The following NKD2 variants were observed in gnomAD, a reference collection of about 807,000 sequenced individuals.
NKD2 encodes NKD inhibitor of Wnt signaling pathway 2.
In NKD2, 43 loss-of-function variants were observed where a neutral mutation model predicts 34.8. That is an observed-to-expected ratio of 1.24 (90% CI 0.97 to 1.60). NKD2 has a LOEUF of 1.60. Among genes scored for constraint, NKD2 ranks in the 40% most tolerant of loss-of-function variants. The pLI is 0.00. For missense variants in NKD2, 675 were observed against 627.1 expected, an observed-to-expected ratio of 1.08 and a Z score of -0.82; for synonymous variants, 278 against 265.1, an observed-to-expected ratio of 1.05 and a Z score of -0.47.
At chr5:1,015,852 C>G (rs77021495) in intron 3 of NKD2, among the ~76,000 whole-genome samples, 1 of 152,202 alleles carries the variant, frequency 6.6e-6, no homozygotes, top group Non-Finnish European at 1.5e-5. Context: ...CGTGGCCCCT[C>G]TCCTGTTGGA....
Position 1,038,362 on chromosome 5 carries a change from C to T in NKD2, c.1345C>T (p.His449Tyr). Residue 449 changes from histidine (H) to tyrosine (Y), a missense_variant, in exon 10 of 10, where the codon CAC (histidine) becomes TAC (tyrosine). Coordinates refer to ENST00000296849, the MANE Select transcript of NKD2 (RefSeq NM_033120.4). This position sits in a 1 kb window ranked among gnomAD's most constrained non-coding sequence, Gnocchi z 4.5. Reference protein sequence around the residue: ...HHHHHHHHHFHPS With the variant: ...HHHHHHHHHFYPS ...CCACCACCACCACCACCACCACTTC[C>T]ACCCGTCCTAGCGCCACTGCCAAGC... 1 of 1,535,972 alleles carries T rather than the reference C, an allele frequency of 6.5e-7. No individual in the cohort carries two copies. The highest frequency in any genetic ancestry group is 8.7e-7 in the Non-Finnish European group (1 of 1,147,046).
intron 3 of NKD2, among the ~76,000 whole-genome samples, chr5:1,011,491 G>T (rs180923715): frequency 6.6e-6 from 1 of 152,182 alleles, no homozygotes; most frequent in Non-Finnish European, 1.5e-5. Flanking sequence ...GTCCTCCCAG[G>T]TGGTATCCAC....
In NKD2 at chr5:1,019,168, C is replaced by A. The variant is rs77792413; in HGVS notation, c.141+9608C>A. ...TGCCAATTATACCCACTATAGGCAC[C>A]CCTGTGCCAGCTGCTCCTCTTTTGC... is the stretch of plus-strand genomic sequence containing the variant. On this transcript the variant is annotated intron_variant, in intron 3 of 9. Coordinates refer to ENST00000296849, the MANE Select transcript of NKD2 (RefSeq NM_033120.4). Among the ~76,000 whole-genome samples, 1,479 of 152,308 alleles carry A rather than the reference C, an allele frequency of 9.7e-3. 19 individuals carry two copies. The highest frequency in any genetic ancestry group is 0.043 in the East Asian group (224 of 5,186).
intron 9 of NKD2, 120 bp downstream of exon 9, chr5:1,036,504 C>CTG: frequency 2.0e-6 from 1 of 497,094 alleles, no homozygotes; most frequent in Admixed American, 4.0e-5. Context: ...CCCCCCCCAA[C>CTG]CCCCCCCACC....
intron 3 of NKD2, among the ~76,000 whole-genome samples, chr5:1,010,530 A>T (rs758714697): frequency 6.6e-6 from 1 of 152,202 alleles, no homozygotes; most frequent in Non-Finnish European, 1.5e-5. Flanking sequence ...CTTGGAAATT[A>T]ACATGCAATA....
chr5:1,019,842 A>C (rs1428459547), intron 3 of NKD2, among the ~76,000 whole-genome samples: 1 of 152,194 alleles, frequency 6.6e-6, no homozygotes, highest in Admixed American at 6.5e-5. Context: ...AATATGAATG[A>C]AAGAAAACAA....
Position 1,009,552 on chromosome 5 carries a change from G to C in NKD2, c.133G>C (p.Asp45His). 1 of 1,486,416 alleles carries C rather than the reference G, an allele frequency of 6.7e-7. No homozygotes were observed. The highest frequency in any genetic ancestry group is 8.9e-7 in the Non-Finnish European group (1 of 1,127,494). 92.1% of individuals were successfully genotyped at this position (1,486,416 alleles called of 1,614,324 possible). ...GGAGGAAGCGGAGCGGCGCGCGCGG[G>C]ACAAGCAGGTAGGCGGCGGGGCGGA... ...GAEEAERRAR[D>H]KQELPNGDPK... The change falls in exon 3 of 10, where the codon GAC becomes CAC. Residue 45 changes from aspartate (D) to histidine (H), a missense_variant. Physicochemically the swap from Asp to His is moderately conservative, Grantham distance 81 (BLOSUM62 -1). Coordinates refer to ENST00000296849, the MANE Select transcript of NKD2 (RefSeq NM_033120.4). The surrounding 1 kb of genome is among the most constrained non-coding windows in gnomAD (Gnocchi z 6.9).
chr5:1,016,826 T>C (rs1033958683), intron 3 of NKD2, among the ~76,000 whole-genome samples: 1 of 152,096 alleles, frequency 6.6e-6, no homozygotes, highest in African/African-American at 2.4e-5. Context: ...CCATCCTCCT[T>C]TCCACAAAGG....
At position 1,032,276 on chromosome 5, in the gene NKD2, C is replaced by T. The variant is rs528477328; in HGVS notation, c.202+64C>T. The T allele has an allele frequency of 1.7e-4, 221 of 1,319,916 alleles. 1 individual carries two copies. In the African/African-American group the frequency reaches 2.5e-3, roughly 15 times the overall value. The allele number at this position is 1,319,916 out of a possible 1,614,324, so 81.8% of individuals were successfully genotyped here. On this transcript the variant is annotated intron_variant, in intron 4 of 9. Transcript: ENST00000296849. ...CAGACTTCATCCCGTACCAAGGCAA[C>T]GCCGAAAACCACCCTTAAAACAACC...
At chr5:1,029,553 C>T (rs1313394030) in intron 3 of NKD2, among the ~76,000 whole-genome samples, 1 of 152,174 alleles carries the variant, frequency 6.6e-6, no homozygotes, top group African/African-American at 2.4e-5. Context: ...AGTGAAATCC[C>T]CCACAAGTGC....
intron 6 of NKD2, 101 bp downstream of exon 6, chr5:1,034,431 CCT>C: frequency 1.0e-6 from 1 of 983,344 alleles, no homozygotes; most frequent in Non-Finnish European, 1.6e-6. Context: ...AGGGGACCTG[CCT>C]GCTGCGAGGT....
intron 3 of NKD2, among the ~76,000 whole-genome samples, chr5:1,015,711 G>A (rs1025485478): frequency 2.9e-4 from 44 of 152,236 alleles, no homozygotes; most frequent in African/African-American, 1.0e-3. Context: ...CAGCATTTCA[G>A]GGTGGGCTGC....
intron 3 of NKD2, among the ~76,000 whole-genome samples, chr5:1,018,561 A>AT (rs962576569): frequency 5.3e-5 from 8 of 149,874 alleles, no homozygotes; most frequent in African/African-American, 2.0e-4. Context: ...GGTCACAGTC[A>AT]GGGCGACTCA....
At chr5:1,031,220 C>G (rs1278299501) in intron 3 of NKD2, among the ~76,000 whole-genome samples, 1 of 152,132 alleles carries the variant, frequency 6.6e-6, no homozygotes, top group Admixed American at 6.5e-5. Context: ...GCACATGACC[C>G]CTGGTCAGGA....
At chr5:1,029,316 G>C (rs72707204) in intron 3 of NKD2, among the ~76,000 whole-genome samples, 6,249 of 152,324 alleles carry the variant, frequency 0.041, 186 homozygotes, top group Non-Finnish European at 0.064. Context: ...GGGCTGGTTG[G>C]TGTAGTATTG....
rs1477735652 is a variant in NKD2, at chr5:1,036,454, C to G, written c.787+70C>G. The G allele has an allele frequency of 7.3e-6, 10 of 1,378,310 alleles. No homozygotes were observed. In the East Asian group the frequency reaches 2.1e-4, roughly 29 times the overall value. 85.4% of individuals were successfully genotyped at this position (1,378,310 alleles called of 1,614,324 possible). A position where few individuals can be genotyped will look rare whatever the true frequency, so the allele number is the denominator to read the frequency against. On this transcript the variant is annotated intron_variant, in intron 9 of 9. Coordinates refer to ENST00000296849, the MANE Select transcript of NKD2 (RefSeq NM_033120.4). The stretch of plus-strand genomic sequence containing the variant: ...TGCCCATCGAAGGTCTTGATTCCCA[C>G]AGCCCTGAGTGCAGGGGGCCCCTCC...
chr5:1,009,884 C>A lies in NKD2; in HGVS notation c.141+324C>A, dbSNP rs896724750. Among the ~76,000 whole-genome samples the A allele has an allele frequency of 6.6e-6, 1 of 152,056 alleles. No individual in the cohort carries two copies. Among genetic ancestry groups the A allele is most frequent in the African/African-American group, 2.4e-5 (1 of 41,418 alleles). On this transcript the variant is annotated intron_variant, in intron 3 of 9. Transcript: ENST00000296849. The surrounding 1 kb of genome is among the most constrained non-coding windows in gnomAD (Gnocchi z 6.9). Reference sequence around the variant, plus strand: ...AGTGGGAGGGGCTGGACCTAGACGTCCCGGGCTGGGGGTCCCGGGGAGCGG... The same window carrying A: ...AGTGGGAGGGGCTGGACCTAGACGTACCGGGCTGGGGGTCCCGGGGAGCGG...
intron 8 of NKD2, 140 bp from the exon 9 acceptor site, chr5:1,036,117 C>T (rs941545538): frequency 3.7e-6 from 5 of 1,353,662 alleles, no homozygotes; most frequent in Non-Finnish European, 4.7e-6. Flanking sequence ...CAGGCGTCCA[C>T]TCTCCTTCCT....
chr5:1,023,457 T>C (rs78468536), intron 3 of NKD2, among the ~76,000 whole-genome samples: 2 of 5,328 alleles, frequency 3.8e-4, no homozygotes, highest in African/African-American at 4.1e-4. Context: ...TGTGGGCGTC[T>C]CAGCCCGTTG....
Sources: gnomAD v4.1 joint callset for allele counts (sites outside exome capture counted in the v4.1 genomes callset) on GRCh38, gnomAD v4.1.1 for gene constraint, Gnocchi (gnomAD v3.1) non-coding constraint, MANE v1.5 for transcripts, NCBI Gene and HGNC (gene_info 2026-07-23, HGNC 2026-07-21) for gene names.